HIKESHI: variants seen among roughly 807,000 people sequenced by gnomAD.
The protein encoded by HIKESHI is protein Hikeshi.
A neutral mutation model predicts 25.7 loss-of-function variants in HIKESHI; 13 were observed. The observed-to-expected ratio is 0.51, with a 90% CI of 0.33 to 0.80. The LOEUF is 0.80. Ranked by LOEUF, HIKESHI falls within the 30% of genes least tolerant of loss-of-function variation. The pLI is 0.02. For synonymous variants in HIKESHI, 76 were observed against 78.7 expected (o/e 0.97, Z 0.18); for missense variants, 174 against 229.5 (o/e 0.76, Z 1.56).
At chr11:86,313,458 C>T (rs1267469879) in intron 2 of HIKESHI, among the ~76,000 whole-genome samples, 2 of 152,128 alleles carry the variant, frequency 1.3e-5, no homozygotes, top group Admixed American at 6.6e-5. Flanking sequence ...TCTTGAACTC[C>T]TGACCTTAGG....
chr11:86,318,403 G>A (rs1784881497), intron 2 of HIKESHI, among the ~76,000 whole-genome samples: 1 of 150,448 alleles, frequency 6.6e-6, no homozygotes, highest in African/African-American at 2.4e-5. Flanking sequence ...TCCTCATGCA[G>A]CCATCAGATG....
intron 2 of HIKESHI, chr11:86,323,975 TATTTTATTTTTAC>T (rs1405311961): frequency 2.0e-5 from 3 of 152,322 alleles, no homozygotes; most frequent in Admixed American, 6.5e-5. Flanking sequence ...GTCTGCTTTT[TATTTTATTTTTAC>T]ATTTTATTTT....
intron 2 of HIKESHI, among the ~76,000 whole-genome samples, chr11:86,317,457 T>C (rs900469681): frequency 5.3e-5 from 8 of 152,200 alleles, no homozygotes; most frequent in African/African-American, 1.9e-4. Context: ...AGAGGCTCAA[T>C]GAAACCAAAA....
Position 86,342,723 on chromosome 11 carries a change from A to T in HIKESHI, c.421-1880A>T, listed in dbSNP as rs1338491058. Among the ~76,000 whole-genome samples the T allele has an allele frequency of 1.7e-4, 25 of 148,942 alleles. 1 individual carries two copies. The highest frequency in any genetic ancestry group is 2.0e-4 in the East Asian group (1 of 5,104). ...CCCCATGAATTGAGTAATTTGTCCC[A>T]TTTTTTTTTTTTTACCATGAGTAAT... On this transcript the variant is annotated intron_variant, in intron 3 of 4. Transcript: ENST00000278483.
intron 3 of HIKESHI, among the ~76,000 whole-genome samples, chr11:86,340,527 T>A (rs1293503908): frequency 6.6e-6 from 1 of 152,260 alleles, no homozygotes; most frequent in Non-Finnish European, 1.5e-5. Flanking sequence ...TTTTCATGTA[T>A]CTGTTGGCTG....
At chr11:86,315,832 A>G (rs967771621) in intron 2 of HIKESHI, among the ~76,000 whole-genome samples, 1 of 152,166 alleles carries the variant, frequency 6.6e-6, no homozygotes, top group Non-Finnish European at 1.5e-5. Context: ...ATTGTGTAAA[A>G]CAGCATAACA....
rs1383589741 is a variant in HIKESHI at position 86,319,242 on chromosome 11, A to ATATATT, written c.268+12761_268+12762insATATTT. On this transcript the variant is annotated intron_variant, in intron 2 of 4. Coordinates refer to ENST00000278483, the MANE Select transcript of HIKESHI (RefSeq NM_016401.4). ...AATATATATATATATATATATATAT[A>ATATATT]TTTTTTTTTTTTTTGAGACCAGTCT... is the stretch of plus-strand genomic sequence containing the variant. Among the ~76,000 whole-genome samples the ATATATT allele has an allele frequency of 2.4e-3, 228 of 94,922 alleles. 1 individual carries two copies. The highest frequency in any genetic ancestry group is 8.9e-3 in the African/African-American group (192 of 21,638). 62.3% of individuals were successfully genotyped at this position (94,922 alleles called of 152,430 possible). A position where few individuals can be genotyped will look rare whatever the true frequency, so the allele number is the denominator to read the frequency against.
chr11:86,314,082 A>C (rs1449366411), intron 2 of HIKESHI, among the ~76,000 whole-genome samples: 2 of 152,198 alleles, frequency 1.3e-5, no homozygotes, highest in African/African-American at 4.8e-5. Flanking sequence ...TATTCTACAA[A>C]GTATGTGTAC....
chr11:86,333,593 C>T (rs1947475554), intron 2 of HIKESHI, among the ~76,000 whole-genome samples: 2 of 151,756 alleles, frequency 1.3e-5, no homozygotes, highest in African/African-American at 4.8e-5. Flanking sequence ...GTATTCTACT[C>T]AGTCATTTAA....
chr11:86,338,434 A>C (rs1418979815), intron 3 of HIKESHI, among the ~76,000 whole-genome samples: 1 of 152,218 alleles, frequency 6.6e-6, no homozygotes, highest in African/African-American at 2.4e-5. Context: ...ATATGGGTAC[A>C]GATTCAGGAG....
chr11:86,304,638 C>G (rs1216717945), intron 1 of HIKESHI, among the ~76,000 whole-genome samples: 1 of 151,712 alleles, frequency 6.6e-6, no homozygotes, highest in Non-Finnish European at 1.5e-5. Context: ...GCCTCAGCCT[C>G]CTGAGTAGCT....
intron 2 of HIKESHI, among the ~76,000 whole-genome samples, chr11:86,319,336 C>T (rs148925697): frequency 0.088 from 13,184 of 149,704 alleles, 895 homozygotes; most frequent in African/African-American, 0.18. Flanking sequence ...CTCCAGGGCT[C>T]AGGTGATCCT....
chr11:86,333,277 T>C (rs1947467683), intron 2 of HIKESHI, among the ~76,000 whole-genome samples: 1 of 152,284 alleles, frequency 6.6e-6, no homozygotes, highest in East Asian at 1.9e-4. Context: ...GGCTCATGTC[T>C]GTAATCCCAG....
At chr11:86,318,303 CAAAAA>C (rs71040230) in intron 2 of HIKESHI, among the ~76,000 whole-genome samples, 2 of 35,680 alleles carry the variant, frequency 5.6e-5, no homozygotes, top group African/African-American at 1.1e-4. Context: ...GACTCCGTCT[CAAAAA>C]AAAAAAAAAA....
At chr11:86,339,546 T>C (rs938704671) in intron 3 of HIKESHI, among the ~76,000 whole-genome samples, 1 of 152,258 alleles carries the variant, frequency 6.6e-6, no homozygotes, top group Non-Finnish European at 1.5e-5. Context: ...TATAGCCCAC[T>C]GCTGCCTGCT....
chr11:86,316,878 C>A (rs926240411), intron 2 of HIKESHI, among the ~76,000 whole-genome samples: 2 of 138,216 alleles, frequency 1.4e-5, no homozygotes, highest in African/African-American at 2.7e-5. Flanking sequence ...ATTGCAAGCT[C>A]CACCTCCTGG....
chr11:86,306,292 C>T lies in HIKESHI; in HGVS notation c.78C>T (p.Asp26=). The T allele has an allele frequency of 6.2e-7, 1 of 1,614,020 alleles. No individual in the cohort carries two copies. ...QQVAEDKFVF[D]LPDYESINHV... is the part of the protein sequence containing the mutation. The stretch of plus-strand genomic sequence containing the variant: ...TGGCAGAGGATAAATTTGTTTTTGA[C>T]TTACCTGATTATGAAAGTATCAACC... The change falls in exon 2 of 5, where the codon GAC becomes GAT. Residue 26 remains aspartate (D), a synonymous_variant. Transcript: ENST00000278483.
At chr11:86,330,042 AT>A (rs923475024) in intron 2 of HIKESHI, among the ~76,000 whole-genome samples, 1 of 150,758 alleles carries the variant, frequency 6.6e-6, no homozygotes, top group Non-Finnish European at 1.5e-5. Flanking sequence ...TCTTGCTGGT[AT>A]TTTTTTTCTC....
chr11:86,326,087 C>T (rs558181468), intron 2 of HIKESHI, among the ~76,000 whole-genome samples: 265 of 152,248 alleles, frequency 1.7e-3, no homozygotes, highest in African/African-American at 6.3e-3. Flanking sequence ...CACTTGAGGT[C>T]AGGAGTTCAA....
Sources: gnomAD v4.1 joint callset for allele counts (sites outside exome capture counted in the v4.1 genomes callset) on GRCh38, gnomAD v4.1.1 for gene constraint, MANE v1.5 for transcripts, NCBI Gene and HGNC (gene_info 2026-07-23, HGNC 2026-07-21) for gene names.